DNAAF1: variants seen among roughly 807,000 people sequenced by gnomAD.
The protein encoded by DNAAF1 is dynein axonemal assembly factor 1, also known as dynein assembly factor 1, axonemal.
DNAAF1 carries 65 observed loss-of-function variants against 71.1 expected under a neutral mutation model. The observed-to-expected ratio is 0.91, with a 90% CI of 0.75 to 1.12. The LOEUF (loss-of-function observed/expected upper bound fraction) is 1.12. Among genes scored for constraint, DNAAF1 ranks in the 50% most tolerant of loss-of-function variants. The pLI, the probability that DNAAF1 is intolerant of heterozygous loss-of-function variation, is 0.00. For synonymous variants in DNAAF1, 414 were observed against 354.6 expected (o/e 1.17, Z -1.88); for missense variants, 1,178 against 899.8 (o/e 1.31, Z -3.96).
chr16:84,172,494 C>A, intron 9 of DNAAF1, 119 bp downstream of exon 9: 1 of 1,519,396 alleles, frequency 6.6e-7, no homozygotes, highest in Non-Finnish European at 8.8e-7. Flanking sequence ...GCCGGCAGGC[C>A]TGGCATTTCT....
chr16:84,163,257 A>G (rs2087799724), intron 6 of DNAAF1, among the ~76,000 whole-genome samples: 1 of 151,986 alleles, frequency 6.6e-6, no homozygotes, highest in African/African-American at 2.4e-5. Context: ...GAGACACCAC[A>G]TGGTTTTCCA....
At chr16:84,165,999 C>G (rs1463695562) in intron 7 of DNAAF1, 50 bp downstream of exon 7, 28 of 1,582,822 alleles carry the variant, frequency 1.8e-5, no homozygotes, top group Non-Finnish European at 2.2e-5. Flanking sequence ...TGAGATTAGG[C>G]AAGTCTAAGC....
intron 1 of DNAAF1, among the ~76,000 whole-genome samples, chr16:84,148,043 G>C (rs1029797053): frequency 2.0e-5 from 3 of 152,012 alleles, no homozygotes; most frequent in Non-Finnish European, 4.4e-5. Context: ...ACTCCAACCT[G>C]GGGGATAGAC....
At chr16:84,155,113 T>G (rs2087358519) in intron 4 of DNAAF1, among the ~76,000 whole-genome samples, 2 of 152,200 alleles carry the variant, frequency 1.3e-5, no homozygotes, top group African/African-American at 2.4e-5. Flanking sequence ...TTTCACCGTG[T>G]TAGCCAGGAT....
At position 84,172,886 on chromosome 16, in the gene DNAAF1, A is replaced by C. The variant is rs547065160; in HGVS notation, c.1644+511A>C. 16 of 1,009,900 alleles carry C rather than the reference A, an allele frequency of 1.6e-5. No individual in the cohort carries two copies. In the East Asian group the frequency reaches 1.4e-3, roughly 89 times the overall value. The allele number at this position is 1,009,900 out of a possible 1,614,324, so 62.6% of individuals were successfully genotyped here. ...TTCAGTGTCCCATCCCCTTGAGTGA[A>C]TGTTTGATCGCAGCCTTGCCTGTCA... On this transcript the variant is annotated intron_variant, in intron 9 of 11. Coordinates refer to ENST00000378553, the MANE Select transcript of DNAAF1 (RefSeq NM_178452.6).
At chr16:84,155,783 C>T in intron 5 of DNAAF1, 34 bp downstream of exon 5, 1 of 1,611,202 alleles carries the variant, frequency 6.2e-7, no homozygotes, top group Non-Finnish European at 8.5e-7. Context: ...CGAAAAAGCA[C>T]CACAGGAAAC....
Position 84,176,236 on chromosome 16 carries a change from G to C in DNAAF1, c.2002G>C (p.Asp668His). ...ACTGATGCCCCCCACCTGCCAAAGA[G>C]ATGCTGCACCACTCACTTCCAGTGG... The part of the protein sequence containing the change: ...QLLMPPTCQR[D>H]AAPLTSSGDR... The change falls in exon 11 of 12, where the codon GAT becomes CAT. Residue 668 changes from aspartate to histidine, a missense_variant. By Grantham distance (81) the Asp-to-His change is moderately conservative (BLOSUM62 -1). Transcript: ENST00000378553. 6.2e-7 allele frequency: 1 copy of C among 1,613,794 alleles called. No homozygotes were observed. Among genetic ancestry groups the C allele is most frequent in the Non-Finnish European group, 8.5e-7 (1 of 1,180,040 alleles).
rs766876325 is a variant in DNAAF1 at position 84,145,560 on chromosome 16, G to A, written c.120G>A (p.Lys40=). 4 of 1,547,562 alleles carry A rather than the reference G, an allele frequency of 2.6e-6. No homozygotes were observed. The East Asian group carries it at 7.3e-5, about 28-fold the overall frequency. ...GGAGCGCAGGCCGAGGGGGCTGCAAGGAAGGTGCCGACTGCCCCCCAGGGA... is the reference window on the plus strand; with the variant it reads ...GGAGCGCAGGCCGAGGGGGCTGCAAAGAAGGTGCCGACTGCCCCCCAGGGA... The part of the protein sequence containing the change: ...DHGSAGRGGC[K]EEINDPKEIC... Residue 40 remains lysine (K), a synonymous_variant, in exon 1 of 12, where the codon AAG becomes AAA. Coordinates refer to ENST00000378553, the MANE Select transcript of DNAAF1 (RefSeq NM_178452.6).
chr16:84,166,909 G>A (rs961423778), intron 7 of DNAAF1, among the ~76,000 whole-genome samples: 1 of 152,196 alleles, frequency 6.6e-6, no homozygotes, highest in Non-Finnish European at 1.5e-5. Context: ...CACACTTGTG[G>A]TCACGCAATG....
intron 6 of DNAAF1, among the ~76,000 whole-genome samples, chr16:84,162,395 G>A (rs1027237650): frequency 6.6e-6 from 1 of 151,820 alleles, no homozygotes; most frequent in African/African-American, 2.4e-5. Context: ...TTGAGGTCAG[G>A]AGACTCCCTC....
chr16:84,149,779 C>T (rs2087097518), intron 2 of DNAAF1, among the ~76,000 whole-genome samples: 6 of 151,044 alleles, frequency 4.0e-5, no homozygotes, highest in Admixed American at 3.3e-4. Flanking sequence ...AATCCCAGTA[C>T]TTTGGGAGGC....
chr16:84,145,814 C>T, intron 1 of DNAAF1, among the ~76,000 whole-genome samples: 1 of 152,146 alleles, frequency 6.6e-6, no homozygotes, highest in East Asian at 1.9e-4. Flanking sequence ...GAGACTTGGC[C>T]GGGTGCGGTG....
chr16:84,163,919 C>G (rs2087843316), intron 6 of DNAAF1, among the ~76,000 whole-genome samples: 2 of 151,548 alleles, frequency 1.3e-5, no homozygotes, highest in African/African-American at 2.4e-5. Flanking sequence ...CCTCCCACCT[C>G]TCAGCCTCCT....
At chr16:84,158,199 G>C (rs1047037614) in intron 5 of DNAAF1, among the ~76,000 whole-genome samples, 6 of 151,990 alleles carry the variant, frequency 3.9e-5, no homozygotes, top group Non-Finnish European at 7.4e-5. Context: ...GCAGAGTCTG[G>C]CTCTGTCTCC....
At chr16:84,149,758 C>A (rs139051854) in intron 2 of DNAAF1, among the ~76,000 whole-genome samples, 2,112 of 151,462 alleles carry the variant, frequency 0.014, 25 homozygotes, top group Non-Finnish European at 0.02. Context: ...AGCGTGGTGG[C>A]CCTTGCCTGT....
chr16:84,173,089 C>T, intron 9 of DNAAF1: 1 of 986,410 alleles, frequency 1.0e-6, no homozygotes, highest in Non-Finnish European at 1.2e-6. Context: ...GAGGTGGTCC[C>T]CTGCCCACTT....
intron 7 of DNAAF1, among the ~76,000 whole-genome samples, chr16:84,166,700 C>A (rs1046560421): frequency 2.0e-5 from 3 of 152,194 alleles, no homozygotes; most frequent in Non-Finnish European, 2.9e-5. Flanking sequence ...CATTTCCTCA[C>A]AACCTGCAGA....
chr16:84,147,448 T>C (rs1012067222), intron 1 of DNAAF1, among the ~76,000 whole-genome samples: 3 of 152,218 alleles, frequency 2.0e-5, no homozygotes, highest in Non-Finnish European at 4.4e-5. Flanking sequence ...CATTTGAATG[T>C]GCTCATGTTA....
At chr16:84,173,512 G>T in intron 9 of DNAAF1, 1 of 983,660 alleles carries the variant, frequency 1.0e-6, no homozygotes, top group Non-Finnish European at 1.2e-6. Flanking sequence ...TTCACAGTGG[G>T]TTTCTAGTTT....
Sources: allele counts gnomAD v4.1 joint callset (sites outside exome capture counted in the v4.1 genomes callset), GRCh38; gene constraint gnomAD v4.1.1; transcripts MANE v1.5; gene names NCBI Gene and HGNC (gene_info 2026-07-23, HGNC 2026-07-21).